ST6GAL1: variants seen among roughly 807,000 people sequenced by gnomAD.
ST6GAL1 encodes beta-galactoside alpha-2,6-sialyltransferase 1.
A neutral mutation model predicts 38.0 loss-of-function variants in ST6GAL1; 20 were observed. That is an observed-to-expected ratio of 0.53 (90% CI 0.37 to 0.77). ST6GAL1 has a LOEUF of 0.77. Ranked by LOEUF, ST6GAL1 falls within the 30% of genes least tolerant of loss-of-function variation. The pLI, the probability that ST6GAL1 is intolerant of heterozygous loss-of-function variation, is 0.00. For synonymous variants in ST6GAL1, 196 were observed against 188.2 expected, an observed-to-expected ratio of 1.04 and a Z score of -0.34; for missense variants, 432 against 496.4, an observed-to-expected ratio of 0.87 and a Z score of 1.23.
At chr3:187,061,416 A>G (rs1718910614) in intron 5 of ST6GAL1, among the ~76,000 whole-genome samples, 1 of 152,166 alleles carries the variant, frequency 6.6e-6, no homozygotes, top group Admixed American at 6.5e-5. Flanking sequence ...ACCCCGATTA[A>G]CCAAACAATC....
At chr3:187,001,614 C>T (rs1371188348) in intron 2 of ST6GAL1, among the ~76,000 whole-genome samples, 5 of 151,968 alleles carry the variant, frequency 3.3e-5, no homozygotes, top group Admixed American at 3.3e-4. Flanking sequence ...TGAGAAAATG[C>T]ATTTCACACA....
chr3:186,933,804 T>C (rs142452254), intron 1 of ST6GAL1, among the ~76,000 whole-genome samples: 3 of 152,388 alleles, frequency 2.0e-5, no homozygotes, highest in African/African-American at 7.2e-5. Context: ...GCCAAAGTTA[T>C]GGTTGTTATA....
intron 2 of ST6GAL1, among the ~76,000 whole-genome samples, chr3:186,966,237 T>A (rs1005511297): frequency 9.9e-5 from 15 of 152,180 alleles, no homozygotes; most frequent in Admixed American, 8.5e-4. Flanking sequence ...TAGATCTATT[T>A]ATGACAAAGG....
At chr3:187,005,276 T>C (rs866672697) in intron 2 of ST6GAL1, among the ~76,000 whole-genome samples, 33,735 of 136,510 alleles carry the variant, frequency 0.25, 3,875 homozygotes, top group South Asian at 0.35. Flanking sequence ...TTTCTTTTTT[T>C]TTTTTTTTTT....
chr3:187,069,274 A>G (rs575017635), intron 5 of ST6GAL1, among the ~76,000 whole-genome samples: 1 of 152,204 alleles, frequency 6.6e-6, no homozygotes, highest in South Asian at 2.1e-4. Flanking sequence ...AGCTGGGATT[A>G]CAGGTGCTTG....
intron 2 of ST6GAL1, chr3:186,986,404 T>C: frequency 6.6e-6 from 1 of 152,474 alleles, no homozygotes; most frequent in South Asian, 2.1e-4. Context: ...TTGAATACAG[T>C]ATTAAATACT....
chr3:187,017,587 G>T (rs1198042954), intron 2 of ST6GAL1, among the ~76,000 whole-genome samples: 8 of 152,142 alleles, frequency 5.3e-5, no homozygotes, highest in Non-Finnish European at 8.8e-5. Context: ...TTTGTAGGGG[G>T]TCCATTTGGC....
At chr3:187,021,787 A>G (rs1717313537) in intron 2 of ST6GAL1, 2 of 150,472 alleles carry the variant, frequency 1.3e-5, no homozygotes, top group East Asian at 2.0e-4. Flanking sequence ...TTCCTACCCT[A>G]TGCCCTGGGG....
At chr3:187,073,124 T>C (rs1719443048) in intron 6 of ST6GAL1, among the ~76,000 whole-genome samples, 177 bp downstream of exon 6, 1 of 152,228 alleles carries the variant, frequency 6.6e-6, no homozygotes, top group African/African-American at 2.4e-5. Flanking sequence ...TCCTGTCCTA[T>C]ACCAGCTACT....
rs201982958 is a variant in ST6GAL1, at chr3:187,075,638, G to T, written c.1056G>T (p.Val352=). The T allele has an allele frequency of 2.2e-5, 35 of 1,614,076 alleles. No individual in the cohort carries two copies. The highest frequency in any genetic ancestry group is 2.9e-5 in the Non-Finnish European group (34 of 1,180,038). ...EFLPSKRKTD[V]CYYYQKFFDS... ...TCCCATCCAAGCGCAAGACTGACGT[G>T]TGCTACTACTACCAGAAGTTCTTCG... The change falls in exon 8 of 8, where the codon GTG becomes GTT. Residue 352 remains valine, a synonymous_variant. Transcript: ENST00000169298. This position sits in a 1 kb window ranked among gnomAD's most constrained non-coding sequence, Gnocchi z 4.1.
intron 2 of ST6GAL1, among the ~76,000 whole-genome samples, chr3:187,022,559 T>C (rs887997614): frequency 6.6e-6 from 1 of 152,162 alleles, no homozygotes; most frequent in African/African-American, 2.4e-5. Context: ...TCTGGGTGAA[T>C]AGATAGTGAT....
chr3:186,964,498 C>A (rs1369949360), intron 2 of ST6GAL1: 8 of 152,166 alleles, frequency 5.3e-5, no homozygotes, highest in Non-Finnish European at 8.8e-5. Flanking sequence ...ATATCTGAAA[C>A]CCTGCCCCTG....
intron 2 of ST6GAL1, among the ~76,000 whole-genome samples, chr3:187,025,313 C>G (rs1315381319): frequency 2.6e-5 from 4 of 152,086 alleles, no homozygotes; most frequent in African/African-American, 4.8e-5. Context: ...GACAGTTCCT[C>G]TTTCTGAGGA....
intron 5 of ST6GAL1, among the ~76,000 whole-genome samples, chr3:187,056,067 T>G (rs549982334): frequency 3.8e-4 from 58 of 152,350 alleles, no homozygotes; most frequent in Non-Finnish European, 6.6e-4. Flanking sequence ...GTAATGGCCT[T>G]CTTTATCTCT....
intron 2 of ST6GAL1, among the ~76,000 whole-genome samples, chr3:187,013,846 A>G (rs962428186): frequency 5.3e-5 from 8 of 152,154 alleles, no homozygotes; most frequent in African/African-American, 7.2e-5. Flanking sequence ...TGGCCTCCCA[A>G]CGTGCTGGGA....
chr3:186,981,476 A>G (rs1227525775), intron 2 of ST6GAL1, among the ~76,000 whole-genome samples: 3 of 152,224 alleles, frequency 2.0e-5, no homozygotes, highest in African/African-American at 7.2e-5. Context: ...TTTGAGGGCC[A>G]TCACTACTGC....
chr3:186,934,033 A>G (rs954052418), intron 1 of ST6GAL1, among the ~76,000 whole-genome samples: 10 of 152,198 alleles, frequency 6.6e-5, no homozygotes, highest in Non-Finnish European at 1.2e-4. Flanking sequence ...CTTTGTATGA[A>G]ATCATAAGGC....
chr3:187,029,178 A>G, intron 2 of ST6GAL1, among the ~76,000 whole-genome samples: 1 of 151,730 alleles, frequency 6.6e-6, no homozygotes, highest in East Asian at 1.9e-4. Flanking sequence ...AATGATGCTA[A>G]AAGACTGATC....
chr3:186,996,578 C>T (rs1200035782), intron 2 of ST6GAL1: 1 of 152,166 alleles, frequency 6.6e-6, no homozygotes, highest in Non-Finnish European at 1.5e-5. Context: ...ACTTACGGCA[C>T]ACCTGCTTGA....
Sources: gnomAD v4.1 joint callset for allele counts (sites outside exome capture counted in the v4.1 genomes callset) on GRCh38, gnomAD v4.1.1 for gene constraint, Gnocchi (gnomAD v3.1) non-coding constraint, MANE v1.5 for transcripts, NCBI Gene and HGNC (gene_info 2026-07-23, HGNC 2026-07-21) for gene names.